The following USP28 variants were observed in gnomAD, a reference collection of about 807,000 sequenced individuals.
USP28 encodes ubiquitin specific peptidase 28.
USP28 carries 113 observed loss-of-function variants against 145.0 expected under a neutral mutation model. The observed-to-expected ratio is 0.78, with a 90% CI of 0.67 to 0.91. USP28 has a LOEUF of 0.91. USP28 is among the 40% of genes least tolerant of loss of function. The pLI is 0.00. For synonymous variants in USP28, 447 were observed against 450.9 expected (o/e 0.99, Z 0.11); for missense variants, 1,201 against 1,289.6 (o/e 0.93, Z 1.05).
chr11:113,870,017 C>T (rs915467627), intron 1 of USP28, among the ~76,000 whole-genome samples: 2 of 152,076 alleles, frequency 1.3e-5, no homozygotes, highest in African/African-American at 4.8e-5. Context: ...ACAAAATTAG[C>T]TGGGCATGGT....
At chr11:113,824,918 C>T (rs1010702323) in intron 11 of USP28, among the ~76,000 whole-genome samples, 6 of 130,034 alleles carry the variant, frequency 4.6e-5, no homozygotes, top group Admixed American at 1.8e-4. Context: ...GCAACAAGAG[C>T]GAAACTCCGT....
In USP28 at chr11:113,806,665, A is replaced by C. The variant is rs1940027634; in HGVS notation, c.2305-81T>G. 12 of 986,978 alleles carry C rather than the reference A, an allele frequency of 1.2e-5. No individual in the cohort carries two copies. In the South Asian group the frequency reaches 2.0e-4, roughly 17 times the overall value. The allele number at this position is 986,978 out of a possible 1,614,324, so 61.1% of individuals were successfully genotyped here. On this transcript the variant is annotated intron_variant, in intron 18 of 24. Transcript: ENST00000003302. ...AAGACTGTATGAAAGCAGGCTGAAC[A>C]GAGTGCTAAAGGGCAGCAGAGCAGT... is the stretch of plus-strand genomic sequence containing the variant.
intron 12 of USP28, 36 bp from the exon 13 acceptor site, chr11:113,817,873 G>A: frequency 1.2e-6 from 2 of 1,602,012 alleles, no homozygotes; most frequent in Non-Finnish European, 1.7e-6. Flanking sequence ...TACTGCCCAA[G>A]GCTGTTTTGT....
In USP28 at chr11:113,800,635, G is replaced by C. The variant is rs191605230; in HGVS notation, c.3058+848C>G. On this transcript the variant is annotated intron_variant, in intron 24 of 24. Transcript: ENST00000003302. The stretch of plus-strand genomic sequence containing the variant: ...ATGTCAGTGAGAACCTAACAAAGAG[G>C]ATTCATATCAGAATATATAACAATT... Among the ~76,000 whole-genome samples, 308 of 152,102 alleles carry C rather than the reference G, an allele frequency of 2.0e-3. 1 individual carries two copies. The highest frequency in any genetic ancestry group is 0.01 in the Middle Eastern group (3 of 294).
At position 113,817,777 on chromosome 11, in the gene USP28, A is replaced by G. The variant is rs1403440214; in HGVS notation, c.1344T>C (p.Val448=). 6 of 1,614,092 alleles carry G rather than the reference A, an allele frequency of 3.7e-6. No homozygotes were observed. The African/African-American group carries it at 8.0e-5, about 22-fold the overall frequency. ...CAGGTTTTGTACTAGCAAATTCAAT[A>G]ACATATTTCAGCATGTCCGGGAGCG... Residue 448 remains valine (V), a synonymous_variant, in exon 13 of 25, where the codon GTT becomes GTC. Transcript: ENST00000003302.
At chr11:113,808,638 TA>T (rs1324492203) in intron 17 of USP28, among the ~76,000 whole-genome samples, 2 of 152,248 alleles carry the variant, frequency 1.3e-5, no homozygotes, top group Non-Finnish European at 2.9e-5. Flanking sequence ...ATAAAGTCTG[TA>T]AACTTTGAAC....
intron 1 of USP28, among the ~76,000 whole-genome samples, chr11:113,870,666 C>T (rs780556474): frequency 1.3e-5 from 2 of 152,366 alleles, no homozygotes; most frequent in Middle Eastern, 6.8e-3. Context: ...CTGGTCCACA[C>T]GGCCATCTCA....
At position 113,829,051 on chromosome 11, in the gene USP28, A is replaced by G. The variant is rs189105810; in HGVS notation, c.1059+146T>C. 4 of 1,057,172 alleles carry G rather than the reference A, an allele frequency of 3.8e-6. No homozygotes were observed. In the East Asian group the frequency reaches 1.0e-4, roughly 27 times the overall value. The allele number at this position is 1,057,172 out of a possible 1,614,324, so 65.5% of individuals were successfully genotyped here. ...AAAGTACTGATACTCACTGACTCAC[A>G]TCAACTGATGAGAGACTTAAGACAA... On this transcript the variant is annotated intron_variant, in intron 10 of 24. Coordinates refer to ENST00000003302, the Ensembl canonical transcript of USP28.
At chr11:113,875,366 C>G (rs1436963001) in intron 1 of USP28, 79 bp downstream of exon 1, 1 of 1,116,380 alleles carries the variant, frequency 9.0e-7, no homozygotes, top group Non-Finnish European at 1.1e-6. Context: ...GCCCGCAACC[C>G]GCAGCCCTGC....
intron 2 of USP28, among the ~76,000 whole-genome samples, chr11:113,853,705 T>A (rs1946728449): frequency 6.6e-6 from 1 of 151,860 alleles, no homozygotes; most frequent in African/African-American, 2.4e-5. Context: ...TGAAACCCCG[T>A]CTCTACTAAA....
At chr11:113,821,893 G>A (rs1409336922) in intron 12 of USP28, 6 of 153,336 alleles carry the variant, frequency 3.9e-5, no homozygotes, top group African/African-American at 1.4e-4. Context: ...TGGGGACAGT[G>A]GGTGGTGGAG....
At chr11:113,829,168 G>A (rs1335926522) in intron 10 of USP28, 29 bp downstream of exon 10, 1 of 1,606,756 alleles carries the variant, frequency 6.2e-7, no homozygotes, top group South Asian at 1.1e-5. Flanking sequence ...CTTTGTCACT[G>A]GCACAGCAAA....
At chr11:113,833,301 G>T in intron 7 of USP28, 119 bp downstream of exon 7, 3 of 1,366,872 alleles carry the variant, frequency 2.2e-6, no homozygotes, top group South Asian at 1.5e-5. Flanking sequence ...AGTCAGAAAC[G>T]AGCATCCATA....
intron 13 of USP28, among the ~76,000 whole-genome samples, chr11:113,816,515 A>C (rs562634847): frequency 1.0e-3 from 154 of 152,220 alleles, no homozygotes; most frequent in African/African-American, 3.4e-3. Context: ...CCATCTCAAA[A>C]AAACAAACAA....
chr11:113,858,541 C>T (rs777768781), intron 1 of USP28, among the ~76,000 whole-genome samples: 74 of 152,204 alleles, frequency 4.9e-4, no homozygotes, highest in Non-Finnish European at 9.8e-4. Flanking sequence ...GAAATGAATA[C>T]GCCTGTGACT....
chr11:113,865,983 C>T (rs188234061), intron 1 of USP28, among the ~76,000 whole-genome samples: 1 of 152,132 alleles, frequency 6.6e-6, no homozygotes, highest in Non-Finnish European at 1.5e-5. Flanking sequence ...TAAACACATA[C>T]ATCAAGAAAT....
chr11:113,806,434 C>T (rs530715246), intron 19 of USP28, 55 bp downstream of exon 20: 2 of 1,448,652 alleles, frequency 1.4e-6, no homozygotes, highest in Admixed American at 1.8e-5. Context: ...AGAATTATTT[C>T]CCCAATATTA....
rs895231556 is a variant in USP28 at position 113,808,010 on chromosome 11, C to T, written c.2304+288G>A. On this transcript the variant is annotated intron_variant, in intron 18 of 24. Coordinates refer to ENST00000003302, the Ensembl canonical transcript of USP28. ...AGAATCCTTCCCACACTGGGAATCTCGACTTCAGAGACCTCAGAATTAGGC... is the reference window on the plus strand; with the variant it reads ...AGAATCCTTCCCACACTGGGAATCTTGACTTCAGAGACCTCAGAATTAGGC... 12 of 1,220,964 alleles carry T rather than the reference C, an allele frequency of 9.8e-6. No homozygotes were observed. In the East Asian group the frequency reaches 2.2e-4, roughly 23 times the overall value. The allele number at this position is 1,220,964 out of a possible 1,614,324, so 75.6% of individuals were successfully genotyped here.
chr11:113,827,328 G>A (rs1943492015), exon 11 of USP28: 3 of 1,610,252 alleles, frequency 1.9e-6, no homozygotes, highest in Non-Finnish European at 1.7e-6. Flanking sequence ...AGAGTTCAAA[G>A]GTCAACACTG....
Sources: gnomAD v4.1 joint callset for allele counts (sites outside exome capture counted in the v4.1 genomes callset) on GRCh38, gnomAD v4.1.1 for gene constraint, MANE v1.5 for transcripts, NCBI Gene and HGNC (gene_info 2026-07-23, HGNC 2026-07-21) for gene names.